Variants in AGPAT4 observed in about 807,000 individuals in gnomAD.
The protein encoded by AGPAT4 is 1-acylglycerol-3-phosphate O-acyltransferase 4, also known as 1-acyl-sn-glycerol-3-phosphate acyltransferase delta.
A neutral mutation model predicts 48.0 loss-of-function variants in AGPAT4; 15 were observed. That is an observed-to-expected ratio of 0.31 (90% confidence interval 0.21 to 0.48). The LOEUF is 0.48. Ranked by LOEUF, AGPAT4 falls within the 20% of genes least tolerant of loss-of-function variation. The pLI is 0.99. For missense variants in AGPAT4, 314 were observed against 482.5 expected (o/e 0.65, Z 3.27); for synonymous variants, 178 against 198.7 (o/e 0.90, Z 0.88).
chr6:161,191,999 C>G (rs925203342), intron 2 of AGPAT4, among the ~76,000 whole-genome samples: 1 of 147,668 alleles, frequency 6.8e-6, no homozygotes, highest in African/African-American at 2.5e-5. Context: ...TGTAACTGTT[C>G]TTGGATTTAC....
At chr6:161,190,667 T>C (rs1780899602) in intron 2 of AGPAT4, among the ~76,000 whole-genome samples, 1 of 151,748 alleles carries the variant, frequency 6.6e-6, no homozygotes, top group Admixed American at 6.6e-5. Context: ...CCTTAACTTC[T>C]GAATATTCCA....
rs1779922221 is a variant in AGPAT4 at position 161,161,199 on chromosome 6, G to A, written c.348+5049C>T. Reference sequence around the variant, plus strand: ...GTTAAAGACACTGCCAGAGGATCCTGGTCAACAAAGAAGAAGACCCCGGTG... The same window carrying A: ...GTTAAAGACACTGCCAGAGGATCCTAGTCAACAAAGAAGAAGACCCCGGTG... On this transcript the variant is annotated intron_variant, in intron 3 of 8. Coordinates refer to ENST00000320285, the MANE Select transcript of AGPAT4 (RefSeq NM_020133.3). The surrounding 1 kb of genome is among the most constrained non-coding windows in gnomAD (Gnocchi z 4.6). The A allele has an allele frequency of 2.2e-6, 1 of 456,556 alleles. No individual in the cohort carries two copies. Among genetic ancestry groups the A allele is most frequent in the African/African-American group, 2.0e-5 (1 of 50,066 alleles). 28.3% of individuals were successfully genotyped at this position (456,556 alleles called of 1,614,324 possible).
rs1781677166 is a variant in AGPAT4, at chr6:161,217,355, T to C, written c.178+14681A>G. ...TTGAATGAAAGGGCATCTCACTGTT[T>C]GAGCGTGCTTTAAAAAGCCTTATGG... On this transcript the variant is annotated intron_variant, in intron 2 of 8. Transcript: ENST00000320285. The surrounding 1 kb of genome is among the most constrained non-coding windows in gnomAD (Gnocchi z 4.9). Among the ~76,000 whole-genome samples the C allele has an allele frequency of 6.6e-6, 1 of 151,920 alleles. No homozygotes were observed. Among genetic ancestry groups the C allele is most frequent in the Non-Finnish European group, 1.5e-5 (1 of 68,034 alleles).
Position 161,266,801 on chromosome 6 carries a change from T to G in AGPAT4, c.-90+7137A>C, listed in dbSNP as rs550808604. Among the ~76,000 whole-genome samples the G allele has an allele frequency of 6.6e-6, 1 of 152,166 alleles. No homozygotes were observed. The highest frequency in any genetic ancestry group is 1.5e-5 in the Non-Finnish European group (1 of 68,038). ...AAGAAGATGTGCTTGCATAGACAGA[T>G]AGTTCTTTAAAATTTCATCCGCCTC... On this transcript the variant is annotated intron_variant, in intron 1 of 8. Coordinates refer to ENST00000320285, the MANE Select transcript of AGPAT4 (RefSeq NM_020133.3). The surrounding 1 kb of genome is among the most constrained non-coding windows in gnomAD (Gnocchi z 6.2).
chr6:161,253,913 T>C (rs1782872623), intron 1 of AGPAT4, among the ~76,000 whole-genome samples: 1 of 152,164 alleles, frequency 6.6e-6, no homozygotes, highest in African/African-American at 2.4e-5. Flanking sequence ...TCCCAATTTG[T>C]TTTCAGTGCT....
chr6:161,209,101 G>A (rs1284437293), intron 2 of AGPAT4, among the ~76,000 whole-genome samples: 3 of 152,162 alleles, frequency 2.0e-5, no homozygotes, highest in Non-Finnish European at 2.9e-5. Flanking sequence ...GGTGATAAGT[G>A]GGCAGACATC....
Position 161,251,564 on chromosome 6 carries a change from G to A in AGPAT4, c.-89-19262C>T, listed in dbSNP as rs1782803644. On this transcript the variant is annotated intron_variant, in intron 1 of 8. Coordinates refer to ENST00000320285, the MANE Select transcript of AGPAT4 (RefSeq NM_020133.3). The surrounding 1 kb of genome is among the most constrained non-coding windows in gnomAD (Gnocchi z 4.6). ...CTTCCTCTCCCAGAGGCTGCACAAC[G>A]TTACCCTGCATTACAGACCAGCCTG... Among the ~76,000 whole-genome samples the A allele has an allele frequency of 6.6e-6, 1 of 152,106 alleles. No homozygotes were observed. The highest frequency in any genetic ancestry group is 1.9e-4 in the East Asian group (1 of 5,184).
rs564581548 is a variant in AGPAT4, at chr6:161,137,513, G to A, written c.1043-879C>T. ...ATCCAGCCCAGCCAGCAGGAGGCAC[G>A]CATCTCCCATGGGTCATTTACAAAC... On this transcript the variant is annotated intron_variant, in intron 8 of 8. Transcript: ENST00000320285. This position sits in a 1 kb window ranked among gnomAD's most constrained non-coding sequence, Gnocchi z 6.1. Among the ~76,000 whole-genome samples the A allele has an allele frequency of 1.5e-4, 23 of 152,314 alleles. No homozygotes were observed. Among genetic ancestry groups the A allele is most frequent in the Admixed American group, 1.0e-3 (16 of 15,298 alleles).
Position 161,134,902 on chromosome 6 carries a change from G to C in AGPAT4, c.*1638C>G, listed in dbSNP as rs1172843108. 3 of 152,302 alleles carry C rather than the reference G, an allele frequency of 2.0e-5. No homozygotes were observed. Among genetic ancestry groups the C allele is most frequent in the Non-Finnish European group, 4.4e-5 (3 of 68,086 alleles). The allele number at this position is 152,302 out of a possible 1,614,324, so 9.4% of individuals were successfully genotyped here. A position where few individuals can be genotyped will look rare whatever the true frequency, so the allele number is the denominator to read the frequency against. ...AGCCTGCCTGCAGGGCCGCCAGCGA[G>C]TTAACTCAGGCCCTAGGCTCTGCAG... On this transcript the variant is annotated 3_prime_UTR_variant, in exon 9 of 9. Transcript: ENST00000320285.
In AGPAT4 at chr6:161,259,600, G is replaced by T. The variant is rs1420595809; in HGVS notation, c.-90+14338C>A. Among the ~76,000 whole-genome samples, 3 of 152,050 alleles carry T rather than the reference G, an allele frequency of 2.0e-5. No individual in the cohort carries two copies. On this transcript the variant is annotated intron_variant, in intron 1 of 8. Transcript: ENST00000320285. This position sits in a 1 kb window ranked among gnomAD's most constrained non-coding sequence, Gnocchi z 4.9. ...CATTTGCCAGGCCTGGTCAAAATGA[G>T]AATGTGGGGTTCCTTCTTCAAAAAC...
Position 161,220,269 on chromosome 6 carries a change from G to T in AGPAT4, c.178+11767C>A, listed in dbSNP as rs934684343. On this transcript the variant is annotated intron_variant, in intron 2 of 8. Coordinates refer to ENST00000320285, the MANE Select transcript of AGPAT4 (RefSeq NM_020133.3). The surrounding 1 kb of genome is among the most constrained non-coding windows in gnomAD (Gnocchi z 6.0). ...TTCTTTCTCCTAAATAAACAAAAATGTGTTGGCATGAAGGGTTCATTTTGG... is the reference window on the plus strand; with the variant it reads ...TTCTTTCTCCTAAATAAACAAAAATTTGTTGGCATGAAGGGTTCATTTTGG... 6.6e-6 allele frequency among the ~76,000 whole-genome samples: 1 copy of T among 152,108 alleles called. No homozygotes were observed. Among genetic ancestry groups the T allele is most frequent in the African/African-American group, 2.4e-5 (1 of 41,422 alleles).
Position 161,169,219 on chromosome 6 carries a change from G to A in AGPAT4, c.179-2802C>T, listed in dbSNP as rs1780198209. On this transcript the variant is annotated intron_variant, in intron 2 of 8. Coordinates refer to ENST00000320285, the MANE Select transcript of AGPAT4 (RefSeq NM_020133.3). This position sits in a 1 kb window ranked among gnomAD's most constrained non-coding sequence, Gnocchi z 5.0. Reference sequence around the variant, plus strand: ...TCTAAAGGCAATATAAAAACCACTGGAGCATTTTTAAATAGACACACACCA... The same window carrying A: ...TCTAAAGGCAATATAAAAACCACTGAAGCATTTTTAAATAGACACACACCA... Among the ~76,000 whole-genome samples, 1 of 151,948 alleles carries A rather than the reference G, an allele frequency of 6.6e-6. No individual in the cohort carries two copies. Among genetic ancestry groups the A allele is most frequent in the Non-Finnish European group, 1.5e-5 (1 of 68,002 alleles).
In AGPAT4 at chr6:161,157,882, C is replaced by T. The variant is rs534654658; in HGVS notation, c.349-3572G>A. Among the ~76,000 whole-genome samples, 5 of 152,322 alleles carry T rather than the reference C, an allele frequency of 3.3e-5. No individual in the cohort carries two copies. In the East Asian group the frequency reaches 9.6e-4, roughly 29 times the overall value. On this transcript the variant is annotated intron_variant, in intron 3 of 8. Transcript: ENST00000320285. ...CCCAGCTGTGTAACTGTGCTCAAGA[C>T]ACCCAATCCTTCTGAGCTTCTGTTT...
chr6:161,192,142 C>CTTTTTTTT (rs573872820), intron 2 of AGPAT4, among the ~76,000 whole-genome samples: 3 of 45,610 alleles, frequency 6.6e-5, no homozygotes, highest in Non-Finnish European at 1.1e-4. Context: ...AGAAGTTATA[C>CTTTTTTTT]TTTTTTTTTT....
chr6:161,188,369 C>A (rs1284006008), intron 2 of AGPAT4, among the ~76,000 whole-genome samples: 1 of 152,154 alleles, frequency 6.6e-6, no homozygotes, highest in Non-Finnish European at 1.5e-5. Context: ...GCACATTTTT[C>A]TATCAGACTT....
In AGPAT4 at chr6:161,201,410, A is replaced by C. The variant is rs1781235874; in HGVS notation, c.178+30626T>G. On this transcript the variant is annotated intron_variant, in intron 2 of 8. Transcript: ENST00000320285. This position sits in a 1 kb window ranked among gnomAD's most constrained non-coding sequence, Gnocchi z 6.0. ...TATTCAAAGAGCACTTGAGGTTAAA[A>C]ATAGAACCTAGAAGTAAGAAAGTCA... is the stretch of plus-strand genomic sequence containing the variant. Among the ~76,000 whole-genome samples, 1 of 152,192 alleles carries C rather than the reference A, an allele frequency of 6.6e-6. No homozygotes were observed. The highest frequency in any genetic ancestry group is 2.4e-5 in the African/African-American group (1 of 41,430).
Position 161,270,346 on chromosome 6 carries a change from C to G in AGPAT4, c.-90+3592G>C, listed in dbSNP as rs569179681. Reference sequence around the variant, plus strand: ...AGCGCTTCCTTTCCAAACTGATTCTCACACAAAGAATAATGAATTTGAGTT... The same window carrying G: ...AGCGCTTCCTTTCCAAACTGATTCTGACACAAAGAATAATGAATTTGAGTT... On this transcript the variant is annotated intron_variant, in intron 1 of 8. Transcript: ENST00000320285. The surrounding 1 kb of genome is among the most constrained non-coding windows in gnomAD (Gnocchi z 5.3). Among the ~76,000 whole-genome samples the G allele has an allele frequency of 6.6e-6, 1 of 152,324 alleles. No individual in the cohort carries two copies. The highest frequency in any genetic ancestry group is 2.4e-5 in the African/African-American group (1 of 41,578).
chr6:161,175,555 C>A (rs1780405524), intron 2 of AGPAT4, among the ~76,000 whole-genome samples: 1 of 151,960 alleles, frequency 6.6e-6, no homozygotes, highest in Non-Finnish European at 1.5e-5. Context: ...TCTTAGTGGT[C>A]TATCAATTTT....
chr6:161,187,271 T>C (rs1780796711), intron 2 of AGPAT4, among the ~76,000 whole-genome samples: 1 of 152,186 alleles, frequency 6.6e-6, no homozygotes, highest in Non-Finnish European at 1.5e-5. Context: ...TTTTGTCTTG[T>C]TCAGTATTCT....
Sources: gnomAD v4.1 joint callset for allele counts (sites outside exome capture counted in the v4.1 genomes callset) on GRCh38, gnomAD v4.1.1 for gene constraint, Gnocchi (gnomAD v3.1) non-coding constraint, MANE v1.5 for transcripts, NCBI Gene and HGNC (gene_info 2026-07-23, HGNC 2026-07-21) for gene names.